CNTN4: variants seen among roughly 807,000 people sequenced by gnomAD.
CNTN4 encodes contactin 4.
In CNTN4, 77 loss-of-function variants were observed where a neutral mutation model predicts 122.5. The observed-to-expected ratio is 0.63, with a 90% CI of 0.52 to 0.76. The LOEUF (loss-of-function observed/expected upper bound fraction) is 0.76. CNTN4 is among the 30% of genes least tolerant of loss of function. CNTN4 has a pLI of 0.00. For synonymous variants in CNTN4, 512 were observed against 447.0 expected, an observed-to-expected ratio of 1.15 and a Z score of -1.83; for missense variants, 1,256 against 1,259.1, an observed-to-expected ratio of 1.00 and a Z score of 0.04.
At chr3:2,775,262 T>C (rs934182173) in intron 6 of CNTN4, among the ~76,000 whole-genome samples, 3 of 152,170 alleles carry the variant, frequency 2.0e-5, no homozygotes, top group Non-Finnish European at 4.4e-5. Flanking sequence ...TTCATTCTTA[T>C]GAATCTGTTT....
intron 3 of CNTN4, among the ~76,000 whole-genome samples, chr3:2,458,228 G>T (rs577630978): frequency 7.2e-5 from 11 of 152,098 alleles, no homozygotes; most frequent in Non-Finnish European, 1.0e-4. Context: ...GTGCTACAAT[G>T]AATTAAACCA....
intron 6 of CNTN4, among the ~76,000 whole-genome samples, chr3:2,811,977 A>G (rs1334653446): frequency 6.6e-6 from 1 of 152,116 alleles, no homozygotes; most frequent in African/African-American, 2.4e-5. Flanking sequence ...AAAATCACAT[A>G]TATTTACATC....
At chr3:2,483,201 A>T (rs1360406089) in intron 3 of CNTN4, among the ~76,000 whole-genome samples, 1 of 152,180 alleles carries the variant, frequency 6.6e-6, no homozygotes, top group Non-Finnish European at 1.5e-5. Flanking sequence ...AAAGGAGATC[A>T]TTTTGGAGCT....
At chr3:2,959,972 G>A (rs1334741489) in intron 13 of CNTN4, among the ~76,000 whole-genome samples, 2 of 152,078 alleles carry the variant, frequency 1.3e-5, no homozygotes, top group African/African-American at 2.4e-5. Flanking sequence ...CAATCATATG[G>A]GCATGAAACA....
At chr3:2,500,994 A>G (rs2076579317) in intron 3 of CNTN4, among the ~76,000 whole-genome samples, 1 of 152,158 alleles carries the variant, frequency 6.6e-6, no homozygotes, top group Admixed American at 6.5e-5. Flanking sequence ...GATTTTTATA[A>G]TGAATTTAAA....
intron 3 of CNTN4, among the ~76,000 whole-genome samples, chr3:2,391,155 G>A (rs917671502): frequency 2.0e-5 from 3 of 152,166 alleles, no homozygotes; most frequent in Non-Finnish European, 4.4e-5. Flanking sequence ...CAGAATCCGA[G>A]AAGCACCTTT....
chr3:2,513,631 T>C (rs1382873), intron 3 of CNTN4, among the ~76,000 whole-genome samples: 33,696 of 152,042 alleles, frequency 0.22, 5,663 homozygotes, highest in African/African-American at 0.48. Flanking sequence ...TTTCAACTTA[T>C]ACCTTACAAT....
chr3:2,370,836 TC>T (rs970871210), intron 3 of CNTN4, among the ~76,000 whole-genome samples: 15 of 152,082 alleles, frequency 9.9e-5, no homozygotes, highest in Admixed American at 2.0e-4. Context: ...ACATGGTGCA[TC>T]CCCCCACCTC....
At chr3:2,579,906 A>G (rs1226138333) in intron 4 of CNTN4, among the ~76,000 whole-genome samples, 1 of 152,186 alleles carries the variant, frequency 6.6e-6, no homozygotes, top group Non-Finnish European at 1.5e-5. Context: ...TTAGAACATT[A>G]GTTTCTGGCC....
In CNTN4 at chr3:2,643,972, T is replaced by A. The variant is rs557019502; in HGVS notation, c.55+72414T>A. On this transcript the variant is annotated intron_variant, in intron 4 of 24. Transcript: ENST00000418658. Reference sequence around the variant, plus strand: ...TGTATCTGATCACCCCACCGTGTCTTCCATTTTACTCAGATTAAGGCCACA... The same window carrying A: ...TGTATCTGATCACCCCACCGTGTCTACCATTTTACTCAGATTAAGGCCACA... Among the ~76,000 whole-genome samples, 43 of 152,272 alleles carry A rather than the reference T, an allele frequency of 2.8e-4. 1 individual carries two copies. The South Asian group carries it at 3.1e-3, about 11-fold the overall frequency.
chr3:3,049,306 C>G (rs1701018864), intron 23 of CNTN4, among the ~76,000 whole-genome samples: 1 of 152,206 alleles, frequency 6.6e-6, no homozygotes, highest in South Asian at 2.1e-4. Flanking sequence ...TGGTCTTAAA[C>G]TCCTGACCTC....
At chr3:2,200,038 CTT>C (rs1177788631) in intron 2 of CNTN4, among the ~76,000 whole-genome samples, 2 of 152,122 alleles carry the variant, frequency 1.3e-5, no homozygotes, top group Non-Finnish European at 2.9e-5. Context: ...GCATTGGAGA[CTT>C]TAAGCTGCAC....
chr3:2,274,846 G>C (rs2041439468), intron 2 of CNTN4, among the ~76,000 whole-genome samples: 1 of 151,936 alleles, frequency 6.6e-6, no homozygotes, highest in Non-Finnish European at 1.5e-5. Context: ...GATAAGGCTG[G>C]TTAATTCCTA....
chr3:3,042,856 G>A, intron 21 of CNTN4, 121 bp from the exon 22 acceptor site: 4 of 792,030 alleles, frequency 5.1e-6, no homozygotes, highest in South Asian at 1.5e-5. Flanking sequence ...TGATAGCTCT[G>A]CTCATGATGT....
At position 2,747,371 on chromosome 3, in the gene CNTN4, T is replaced by C. The variant is rs571039408; in HGVS notation, c.358+1674T>C. On this transcript the variant is annotated intron_variant, in intron 6 of 24. Coordinates refer to ENST00000418658, the MANE Select transcript of CNTN4 (RefSeq NM_175607.3). ...TTGCAGTGAGCCGAGATGGCGCCACTGGACTCCAGCCTGGGCGACAGAGCG... is the reference window on the plus strand; with the variant it reads ...TTGCAGTGAGCCGAGATGGCGCCACCGGACTCCAGCCTGGGCGACAGAGCG... 2.4e-3 allele frequency among the ~76,000 whole-genome samples: 368 copies of C among 150,474 alleles called. 9 individuals are homozygous for C. The South Asian group carries it at 0.045, about 19-fold the overall frequency.
chr3:2,211,198 CG>C (rs1038396634), intron 2 of CNTN4, among the ~76,000 whole-genome samples: 1 of 151,912 alleles, frequency 6.6e-6, no homozygotes, highest in African/African-American at 2.4e-5. Context: ...GAGAGTGTGG[CG>C]GGGGTTGGGC....
intron 2 of CNTN4, among the ~76,000 whole-genome samples, chr3:2,209,255 T>C (rs1451547942): frequency 1.3e-5 from 2 of 152,172 alleles, no homozygotes; most frequent in Non-Finnish European, 2.9e-5. Context: ...AAGGTGAGGA[T>C]AGCACAGATC....
chr3:2,744,202 T>A (rs1340302891), intron 5 of CNTN4, among the ~76,000 whole-genome samples: 1 of 152,078 alleles, frequency 6.6e-6, no homozygotes, highest in Non-Finnish European at 1.5e-5. Context: ...GGGACAGAGG[T>A]CTTGACAAAA....
At chr3:2,731,820 G>A (rs1323365514) in intron 4 of CNTN4, among the ~76,000 whole-genome samples, 1 of 152,164 alleles carries the variant, frequency 6.6e-6, no homozygotes, top group African/African-American at 2.4e-5. Context: ...TAAATGCTAT[G>A]TATACAAATG....
Sources: gnomAD v4.1 joint callset for allele counts (sites outside exome capture counted in the v4.1 genomes callset) on GRCh38, gnomAD v4.1.1 for gene constraint, MANE v1.5 for transcripts, NCBI Gene and HGNC (gene_info 2026-07-23, HGNC 2026-07-21) for gene names.